The following EXOC4 variants were observed in gnomAD, a reference collection of about 807,000 sequenced individuals.
EXOC4 encodes SEC8-like 1.
EXOC4 carries 71 observed loss-of-function variants against 107.2 expected under a neutral mutation model. The observed-to-expected ratio is 0.66, with a 90% confidence interval of 0.55 to 0.81. The LOEUF (loss-of-function observed/expected upper bound fraction) is 0.81. EXOC4 is among the 30% of genes least tolerant of loss of function. The probability of loss-of-function intolerance (pLI) is 0.00; values close to 1 mark genes in which losing one functional copy is unlikely to be tolerated. For missense variants in EXOC4, 1,108 were observed against 1,189.6 expected, an observed-to-expected ratio of 0.93 and a Z score of 1.01; for synonymous variants, 456 against 441.2, an observed-to-expected ratio of 1.03 and a Z score of -0.42.
intron 9 of EXOC4, among the ~76,000 whole-genome samples, chr7:133,545,655 A>G (rs1443862278): frequency 6.6e-6 from 1 of 152,168 alleles, no homozygotes; most frequent in Non-Finnish European, 1.5e-5. Flanking sequence ...ACCATTTTCA[A>G]TATTAAAGAG....
At chr7:133,308,369 C>T (rs1378702978) in intron 4 of EXOC4, among the ~76,000 whole-genome samples, 1 of 152,112 alleles carries the variant, frequency 6.6e-6, no homozygotes, top group Non-Finnish European at 1.5e-5. Flanking sequence ...GGGCTCTAAT[C>T]CAGTAGGACT....
chr7:133,311,977 C>G (rs1794881920), intron 4 of EXOC4, among the ~76,000 whole-genome samples: 1 of 152,146 alleles, frequency 6.6e-6, no homozygotes, highest in Non-Finnish European at 1.5e-5. Flanking sequence ...GCGTAGCTTT[C>G]TCTTGATGGT....
chr7:133,830,031 T>C (rs1014114225), intron 11 of EXOC4, among the ~76,000 whole-genome samples: 3 of 152,218 alleles, frequency 2.0e-5, no homozygotes, highest in Admixed American at 2.0e-4. Context: ...TGGATGGTCA[T>C]ATCTGTAGAG....
intron 10 of EXOC4, among the ~76,000 whole-genome samples, chr7:133,788,447 C>A (rs1225291006): frequency 6.6e-6 from 1 of 151,948 alleles, no homozygotes; most frequent in Admixed American, 6.6e-5. Context: ...AAATGCTTCA[C>A]CCTCCTGTTT....
chr7:133,449,721 T>TTGTGTG (rs58843853), intron 7 of EXOC4, among the ~76,000 whole-genome samples: 6,790 of 147,898 alleles, frequency 0.046, 353 homozygotes, highest in African/African-American at 0.13. Flanking sequence ...GAAAATACAT[T>TTGTGTG]TGTGTGTGTG....
chr7:133,375,725 G>A (rs1462459636), intron 7 of EXOC4, among the ~76,000 whole-genome samples: 2 of 152,106 alleles, frequency 1.3e-5, no homozygotes, highest in African/African-American at 2.4e-5. Context: ...CAGAACAAGA[G>A]CTTATTTTGA....
chr7:134,060,102 C>T (rs897006581), intron 17 of EXOC4, among the ~76,000 whole-genome samples: 2 of 152,096 alleles, frequency 1.3e-5, no homozygotes, highest in African/African-American at 4.8e-5. Flanking sequence ...CTGTTTGCAC[C>T]AGAACAAAGC....
chr7:133,455,606 G>C (rs1158738989), intron 7 of EXOC4, among the ~76,000 whole-genome samples: 1 of 152,158 alleles, frequency 6.6e-6, no homozygotes, highest in Non-Finnish European at 1.5e-5. Context: ...TTCTTTGAAA[G>C]CTGTTCTAGA....
chr7:133,588,785 G>T (rs760342963), intron 9 of EXOC4, among the ~76,000 whole-genome samples: 1 of 152,138 alleles, frequency 6.6e-6, no homozygotes, highest in Non-Finnish European at 1.5e-5. Context: ...GCTGAAGCAC[G>T]AGAATCGCTT....
At chr7:133,931,415 G>A (rs576301934) in intron 13 of EXOC4, among the ~76,000 whole-genome samples, 43 of 152,234 alleles carry the variant, frequency 2.8e-4, no homozygotes, top group Non-Finnish European at 4.4e-4. Flanking sequence ...GGAGTACAAA[G>A]ACTTAATTGT....
intron 7 of EXOC4, among the ~76,000 whole-genome samples, chr7:133,428,768 T>C (rs564841764): frequency 6.6e-6 from 1 of 152,360 alleles, no homozygotes; most frequent in African/African-American, 2.4e-5. Context: ...CAAACATCTG[T>C]TGCTGCTTAT....
At chr7:133,986,444 T>C (rs1794115301) in intron 14 of EXOC4, among the ~76,000 whole-genome samples, 1 of 152,142 alleles carries the variant, frequency 6.6e-6, no homozygotes. Flanking sequence ...CCAAGTACTG[T>C]TGGGAAAAGA....
intron 7 of EXOC4, among the ~76,000 whole-genome samples, chr7:133,405,815 C>G (rs1307883477): frequency 6.6e-6 from 1 of 152,182 alleles, no homozygotes; most frequent in Non-Finnish European, 1.5e-5. Context: ...CACACACTGT[C>G]TTGCTCTCTC....
At chr7:134,022,541 C>T (rs1456802975) in intron 17 of EXOC4, among the ~76,000 whole-genome samples, 1 of 152,040 alleles carries the variant, frequency 6.6e-6, no homozygotes, top group Non-Finnish European at 1.5e-5. Flanking sequence ...TCTGTAATAG[C>T]TCTTTCCCCT....
intron 7 of EXOC4, among the ~76,000 whole-genome samples, chr7:133,387,397 G>A (rs932514507): frequency 4.6e-5 from 7 of 152,066 alleles, no homozygotes; most frequent in African/African-American, 1.7e-4. Context: ...ACTAGACATC[G>A]GTGCTCTAAC....
intron 9 of EXOC4, among the ~76,000 whole-genome samples, chr7:133,521,339 T>C (rs1799973879): frequency 6.6e-6 from 1 of 152,166 alleles, no homozygotes; most frequent in South Asian, 2.1e-4. Flanking sequence ...AAATTTTTCT[T>C]CCATGATTTT....
chr7:133,704,166 T>C (rs1005327942), intron 10 of EXOC4, among the ~76,000 whole-genome samples: 1 of 152,214 alleles, frequency 6.6e-6, no homozygotes, highest in African/African-American at 2.4e-5. Context: ...TTGCCCAGGC[T>C]GGTCTTGACC....
intron 10 of EXOC4, among the ~76,000 whole-genome samples, chr7:133,770,665 A>G (rs1172641017): frequency 6.6e-6 from 1 of 151,946 alleles, no homozygotes; most frequent in Non-Finnish European, 1.5e-5. Flanking sequence ...GGGGAAACTT[A>G]CAAATTGTAC....
At chr7:133,488,293 T>C (rs1402796545) in intron 9 of EXOC4, among the ~76,000 whole-genome samples, 1 of 152,186 alleles carries the variant, frequency 6.6e-6, no homozygotes, top group Non-Finnish European at 1.5e-5. Flanking sequence ...AGTCTAGTGC[T>C]TTTTAAATTC....
Sources: gnomAD v4.1 joint callset for allele counts (sites outside exome capture counted in the v4.1 genomes callset) on GRCh38, gnomAD v4.1.1 for gene constraint, MANE v1.5 for transcripts, NCBI Gene and HGNC (gene_info 2026-07-23, HGNC 2026-07-21) for gene names.